Variants in CSNK2A2IP observed in about 807,000 individuals in gnomAD.
CSNK2A2IP encodes the protein casein kinase II subunit alpha'-interacting protein.
the CSNK2A2IP span, among the ~76,000 whole-genome samples, chr3:88,445,916 CTCTT>C: frequency 3.7e-3 from 551 of 147,320 alleles, 12 homozygotes; most frequent in African/African-American, 0.013. Flanking sequence ...TCTTCTTTCT[CTCTT>C]TCTTTCTTTC....
At chr3:88,391,786 T>C in the CSNK2A2IP span, among the ~76,000 whole-genome samples, 1 of 152,238 alleles carries the variant, frequency 6.6e-6, no homozygotes, top group African/African-American at 2.4e-5. Flanking sequence ...GTCATGAGAC[T>C]GTGTACAATC....
the CSNK2A2IP span, among the ~76,000 whole-genome samples, chr3:88,411,163 C>T: frequency 6.6e-6 from 1 of 151,832 alleles, no homozygotes; most frequent in African/African-American, 2.4e-5. Context: ...CTAATGAGAA[C>T]ATCAAAGAAT....
At chr3:88,409,743 A>G in the CSNK2A2IP span, among the ~76,000 whole-genome samples, 2,521 of 151,886 alleles carry the variant, frequency 0.017, 106 homozygotes, top group African/African-American at 0.059. Context: ...TTTTCTTCAG[A>G]TTCTTTTCTA....
the CSNK2A2IP span, among the ~76,000 whole-genome samples, chr3:88,385,361 A>G: frequency 6.6e-6 from 1 of 152,164 alleles, no homozygotes; most frequent in Non-Finnish European, 1.5e-5. Flanking sequence ...AAGAGATTCA[A>G]TTGAATTTTG....
At chr3:88,369,492 G>A in the CSNK2A2IP span, among the ~76,000 whole-genome samples, 1 of 151,982 alleles carries the variant, frequency 6.6e-6, no homozygotes, top group African/African-American at 2.4e-5. Context: ...CAGGTAGAAA[G>A]TGTAACATTG....
At chr3:88,402,488 T>C in the CSNK2A2IP span, among the ~76,000 whole-genome samples, 1 of 152,066 alleles carries the variant, frequency 6.6e-6, no homozygotes, top group Admixed American at 6.6e-5. Flanking sequence ...TTGTTGTTTA[T>C]GGTAAAAACC....
the CSNK2A2IP span, among the ~76,000 whole-genome samples, chr3:88,353,362 T>C: frequency 6.6e-6 from 1 of 152,210 alleles, no homozygotes; most frequent in Non-Finnish European, 1.5e-5. Flanking sequence ...TTTCTGTTTA[T>C]AAGTGGATGG....
the CSNK2A2IP span, among the ~76,000 whole-genome samples, chr3:88,446,072 T>C: frequency 2.1e-5 from 3 of 145,254 alleles, no homozygotes; most frequent in Non-Finnish European, 3.0e-5. Context: ...CTTTCTTTCT[T>C]TCTTTCTTTC....
the CSNK2A2IP span, among the ~76,000 whole-genome samples, chr3:88,457,751 A>AAAATAAAATAAAATC: frequency 1.4e-3 from 211 of 148,290 alleles, 4 homozygotes; most frequent in South Asian, 4.3e-3. Context: ...AAAATAAAAT[A>AAAATAAAATAAAATC]AAATCTAGTA....
chr3:88,361,344 A>C, the CSNK2A2IP span, among the ~76,000 whole-genome samples: 2 of 152,064 alleles, frequency 1.3e-5, no homozygotes, highest in East Asian at 3.9e-4. Flanking sequence ...GAAAGTCTTT[A>C]TTTTTCCTTC....
At chr3:88,354,660 G>A in the CSNK2A2IP span, among the ~76,000 whole-genome samples, 14 of 152,182 alleles carry the variant, frequency 9.2e-5, no homozygotes, top group Non-Finnish European at 2.1e-4. Flanking sequence ...CCTGATGGTA[G>A]TAGAGAAGTA....
At chr3:88,343,950 T>A in the CSNK2A2IP span, among the ~76,000 whole-genome samples, 1 of 151,988 alleles carries the variant, frequency 6.6e-6, no homozygotes, top group Non-Finnish European at 1.5e-5. Context: ...TACCTACTAT[T>A]AAGATTTATT....
At chr3:88,441,016 CAA>C in the CSNK2A2IP span, among the ~76,000 whole-genome samples, 3 of 152,042 alleles carry the variant, frequency 2.0e-5, no homozygotes, top group African/African-American at 7.2e-5. Flanking sequence ...ATAACCTGTT[CAA>C]AGAGTTCAGA....
the CSNK2A2IP span, among the ~76,000 whole-genome samples, chr3:88,413,105 T>C: frequency 6.6e-6 from 1 of 152,076 alleles, no homozygotes; most frequent in African/African-American, 2.4e-5. Context: ...TAATGCCATC[T>C]GCCTCCTGTG....
At chr3:88,430,664 G>A in the CSNK2A2IP span, among the ~76,000 whole-genome samples, 56 of 152,102 alleles carry the variant, frequency 3.7e-4, no homozygotes, top group African/African-American at 1.3e-3. Flanking sequence ...AGAAAATAAA[G>A]CTAGAAGAGG....
At chr3:88,445,275 C>CAAAAAAAAAAA in the CSNK2A2IP span, among the ~76,000 whole-genome samples, 218 of 47,766 alleles carry the variant, frequency 4.6e-3, 28 homozygotes, top group South Asian at 0.015. Flanking sequence ...GTAAAAATAC[C>CAAAAAAAAAAA]AAAAAAAAAA....
the CSNK2A2IP span, among the ~76,000 whole-genome samples, chr3:88,436,393 G>A: frequency 7.2e-5 from 11 of 152,010 alleles, no homozygotes. Context: ...AAGCTGATAG[G>A]TATTGAAAGG....
the CSNK2A2IP span, among the ~76,000 whole-genome samples, chr3:88,355,155 T>C: frequency 6.6e-6 from 1 of 152,118 alleles, no homozygotes; most frequent in African/African-American, 2.4e-5. Flanking sequence ...TGGAAGAACT[T>C]AAGACTGGTG....
chr3:88,407,813 T>G, the CSNK2A2IP span, among the ~76,000 whole-genome samples: 1 of 152,028 alleles, frequency 6.6e-6, no homozygotes, highest in Non-Finnish European at 1.5e-5. Context: ...AACCTCCGCC[T>G]CCCAGGTTCA....
Sources: gnomAD v4.1 joint callset for allele counts (sites outside exome capture counted in the v4.1 genomes callset) on GRCh38, gnomAD v4.1.1 for gene constraint, MANE v1.5 for transcripts, NCBI Gene and HGNC (gene_info 2026-07-23, HGNC 2026-07-21) for gene names.